Variants in VPS37B observed in about 807,000 individuals in gnomAD.
VPS37B encodes the protein vacuolar protein sorting-associated protein 37B.
Under a neutral mutation model 21.2 loss-of-function variants are expected in VPS37B, and 11 were observed. That is an observed-to-expected ratio of 0.52 (90% CI 0.33 to 0.86). The LOEUF is 0.86. Among genes scored for constraint, VPS37B ranks in the 40% least tolerant of loss-of-function variants. VPS37B has a pLI of 0.03. For synonymous variants in VPS37B, 175 were observed against 159.6 expected, an observed-to-expected ratio of 1.10 and a Z score of -0.73; for missense variants, 389 against 374.8, an observed-to-expected ratio of 1.04 and a Z score of -0.31.
intron 1 of VPS37B, chr12:122,877,702 C>T (rs1437028316): frequency 6.6e-6 from 1 of 152,342 alleles, no homozygotes; most frequent in Non-Finnish European, 1.5e-5. Flanking sequence ...GCAACGGAAC[C>T]TTTTCTAAAC....
intron 1 of VPS37B, chr12:122,882,218 G>C (rs2034256665): frequency 6.6e-6 from 1 of 151,304 alleles, no homozygotes; most frequent in South Asian, 2.1e-4. Flanking sequence ...ACCAACTTTT[G>C]GAAGACTGAG....
In VPS37B at chr12:122,868,339, C is replaced by T. The variant is rs549624590; in HGVS notation, c.366+141G>A. 1.3e-6 allele frequency: 1 copy of T among 748,232 alleles called. No homozygotes were observed. The highest frequency in any genetic ancestry group is 2.2e-6 in the Non-Finnish European group (1 of 448,552). 46.3% of individuals were successfully genotyped at this position (748,232 alleles called of 1,614,324 possible). ...CACTTTCCCCAGCACACAGGCCAGG[C>T]TGCCTGCTGGTATACAGCCCGTACA... On this transcript the variant is annotated intron_variant, in intron 3 of 3. Coordinates refer to ENST00000267202, the MANE Select transcript of VPS37B (RefSeq NM_024667.3). This position sits in a 1 kb window ranked among gnomAD's most constrained non-coding sequence, Gnocchi z 5.5.
intron 1 of VPS37B, among the ~76,000 whole-genome samples, chr12:122,893,602 G>C (rs1284386282): frequency 6.6e-6 from 1 of 152,068 alleles, no homozygotes; most frequent in Non-Finnish European, 1.5e-5. Flanking sequence ...TTCCGAGAAA[G>C]GCACACCACA....
At chr12:122,874,638 CA>C (rs1371023657) in intron 1 of VPS37B, 1 of 152,186 alleles carries the variant, frequency 6.6e-6, no homozygotes, top group Non-Finnish European at 1.5e-5. Context: ...CACCAGGCAT[CA>C]AAAGAGGCCA....
At position 122,867,569 on chromosome 12, in the gene VPS37B, C is replaced by A. The variant is rs11550050; in HGVS notation, c.405G>T (p.Leu135=). ...TCTGATAGACATCAATGAAGGAATC[C>A]AGAGGAAGTTCTCCATCCAGAAACT... ...AEKFLDGELP[L]DSFIDVYQSK... The change falls in exon 4 of 4, where the codon CTG becomes CTT. Residue 135 remains leucine, a synonymous_variant. Coordinates refer to ENST00000267202, the MANE Select transcript of VPS37B (RefSeq NM_024667.3). The surrounding 1 kb of genome is among the most constrained non-coding windows in gnomAD (Gnocchi z 5.5). 6.2e-7 allele frequency: 1 copy of A among 1,613,708 alleles called. No homozygotes were observed. Among genetic ancestry groups the A allele is most frequent in the Non-Finnish European group, 8.5e-7 (1 of 1,180,024 alleles).
chr12:122,891,562 A>G (rs1470665237), intron 1 of VPS37B, among the ~76,000 whole-genome samples: 2 of 152,208 alleles, frequency 1.3e-5, no homozygotes, highest in East Asian at 3.8e-4. Context: ...ACTCATGTAA[A>G]AGGTCCATGG....
intron 1 of VPS37B, chr12:122,872,313 G>A: frequency 1.0e-6 from 1 of 985,452 alleles, no homozygotes; most frequent in Non-Finnish European, 1.2e-6. Flanking sequence ...CCCAGCAGGA[G>A]GGCTCTTTTC....
Position 122,868,640 on chromosome 12 carries a change from T to A in VPS37B, c.284-78A>T. On this transcript the variant is annotated intron_variant, in intron 2 of 3. Transcript: ENST00000267202. The surrounding 1 kb of genome is among the most constrained non-coding windows in gnomAD (Gnocchi z 5.5). ...CTTCATGATGCCAACCACGGCAGGA[T>A]TGCACCTTCCTTTCCAGGAAGCTGA... 1 of 1,256,272 alleles carries A rather than the reference T, an allele frequency of 8.0e-7. No individual in the cohort carries two copies. The highest frequency in any genetic ancestry group is 1.1e-6 in the Non-Finnish European group (1 of 880,028). The allele number at this position is 1,256,272 out of a possible 1,614,324, so 77.8% of individuals were successfully genotyped here.
chr12:122,886,236 G>C (rs2135710148), intron 1 of VPS37B: 1 of 152,330 alleles, frequency 6.6e-6, no homozygotes, highest in African/African-American at 2.4e-5. Context: ...ACTCAGTCCT[G>C]TGAGCTTTTC....
chr12:122,872,559 T>TC (rs1483782199), intron 1 of VPS37B: 10 of 985,322 alleles, frequency 1.0e-5, no homozygotes, highest in Non-Finnish European at 1.2e-5. Context: ...TCACTCGGGT[T>TC]TCTGGTAAGC....
intron 1 of VPS37B, chr12:122,887,818 T>A (rs922903059): frequency 7.2e-5 from 11 of 152,274 alleles, no homozygotes. Context: ...TTGACCTCAG[T>A]CATGTTCACA....
intron 1 of VPS37B, among the ~76,000 whole-genome samples, chr12:122,894,711 G>C (rs1270624003): frequency 6.6e-6 from 1 of 152,206 alleles, no homozygotes; most frequent in Non-Finnish European, 1.5e-5. Context: ...CAAATGGGTT[G>C]AGAGAAAGGG....
intron 1 of VPS37B, chr12:122,879,981 G>A (rs988043064): frequency 6.6e-6 from 1 of 152,138 alleles, no homozygotes; most frequent in Non-Finnish European, 1.5e-5. Flanking sequence ...ATGGTGGTGT[G>A]CGCCTGTAGT....
chr12:122,867,014 C>T lies in VPS37B; in HGVS notation c.*102G>A. ...ATCAGACAGACACGCTGGCCCAGGG[C>T]CCCAGAGCCCTTGGCACAGAGCGGA... On this transcript the variant is annotated 3_prime_UTR_variant, in exon 4 of 4. Coordinates refer to ENST00000267202, the MANE Select transcript of VPS37B (RefSeq NM_024667.3). The surrounding 1 kb of genome is among the most constrained non-coding windows in gnomAD (Gnocchi z 5.5). 1 of 1,374,088 alleles carries T rather than the reference C, an allele frequency of 7.3e-7. No homozygotes were observed. Among genetic ancestry groups the T allele is most frequent in the Non-Finnish European group, 9.5e-7 (1 of 1,050,824 alleles). 85.1% of individuals were successfully genotyped at this position (1,374,088 alleles called of 1,614,324 possible).
chr12:122,883,045 A>C lies in VPS37B; in HGVS notation c.112-11984T>G, dbSNP rs1593919160. ...CGGAGAACATTATGAAACAGTCCTA[A>C]AATACGACAATCCTGGGGGTTGTGT... On this transcript the variant is annotated intron_variant, in intron 1 of 3. Coordinates refer to ENST00000267202, the MANE Select transcript of VPS37B (RefSeq NM_024667.3). 2 of 152,240 alleles carry C rather than the reference A, an allele frequency of 1.3e-5. 1 individual carries two copies. Among genetic ancestry groups the C allele is most frequent in the East Asian group, 3.8e-4 (2 of 5,202 alleles). The allele number at this position is 152,240 out of a possible 1,614,324, so 9.4% of individuals were successfully genotyped here. A position where few individuals can be genotyped will look rare whatever the true frequency, so the allele number is the denominator to read the frequency against.
Position 122,867,120 on chromosome 12 carries a change from TGGA to T in VPS37B, c.851_853del (p.Leu284del), listed in dbSNP as rs780425434. 5.0e-5 allele frequency: 77 copies of T among 1,527,160 alleles called. No homozygotes were observed. The highest frequency in any genetic ancestry group is 6.5e-5 in the Non-Finnish European group (74 of 1,143,814). The allele number at this position is 1,527,160 out of a possible 1,614,324, so 94.6% of individuals were successfully genotyped here. On this transcript the variant is annotated inframe_deletion, in exon 4 of 4. Transcript: ENST00000267202. This position sits in a 1 kb window ranked among gnomAD's most constrained non-coding sequence, Gnocchi z 5.5. ...CGGGAAGGACCGCGCCGGCGCTCAC[TGGA>T]GGATGAAACCCGGCTGGTGTGGAGG...
At position 122,867,591 on chromosome 12, in the gene VPS37B, A is replaced by T. The variant is rs142055245; in HGVS notation, c.383T>A (p.Phe128Tyr). The T allele has an allele frequency of 7.9e-5, 128 of 1,613,174 alleles. No individual in the cohort carries two copies. The African/African-American group carries it at 1.6e-3, about 20-fold the overall frequency. The change falls in exon 4 of 4, where the codon TTT (phenylalanine) becomes TAT (tyrosine). Residue 128 changes from phenylalanine (F) to tyrosine (Y), a missense_variant. Phe to Tyr is a conservative substitution (Grantham distance 22, BLOSUM62 3). Transcript: ENST00000267202. The surrounding 1 kb of genome is among the most constrained non-coding windows in gnomAD (Gnocchi z 5.5). ...ATCCAGAGGAAGTTCTCCATCCAGA[A>T]ACTTCTCTGCCATGTTCTGAAAGAG... ...EEDTENMAEK[F>Y]LDGELPLDSF...
At chr12:122,871,236 C>T in intron 1 of VPS37B, 175 bp from the exon 2 acceptor site, 1 of 1,367,748 alleles carries the variant, frequency 7.3e-7, no homozygotes, top group Non-Finnish European at 9.4e-7. Context: ...CTTGGTTTCT[C>T]ATTTGGAGCT....
At chr12:122,870,165 G>T (rs767615612) in intron 2 of VPS37B, 12 of 151,624 alleles carry the variant, frequency 7.9e-5, no homozygotes, top group Non-Finnish European at 1.3e-4. Context: ...GTGGGGTCTT[G>T]AATTTAAAAA....
Sources: gnomAD v4.1 joint callset for allele counts (sites outside exome capture counted in the v4.1 genomes callset) on GRCh38, gnomAD v4.1.1 for gene constraint, Gnocchi (gnomAD v3.1) non-coding constraint, MANE v1.5 for transcripts, NCBI Gene and HGNC (gene_info 2026-07-23, HGNC 2026-07-21) for gene names.